Variants in PRKACB observed in about 807,000 individuals in gnomAD.
PRKACB encodes the protein protein kinase cAMP-activated catalytic subunit beta, also known as cAMP-dependent protein kinase catalytic subunit beta.
Under a neutral mutation model 51.4 loss-of-function variants are expected in PRKACB, and 16 were observed. That is an observed-to-expected ratio of 0.31 (90% CI 0.21 to 0.47). The LOEUF is 0.47. Among genes scored for constraint, PRKACB ranks in the 20% least tolerant of loss-of-function variants. The pLI is 1.00. For missense variants in PRKACB, 309 were observed against 464.5 expected (o/e 0.67, Z 3.08); for synonymous variants, 147 against 154.4 (o/e 0.95, Z 0.35).
chr1:84,173,199 A>G (rs1178821385), intron 1 of PRKACB: 3 of 557,454 alleles, frequency 5.4e-6, no homozygotes, highest in East Asian at 3.4e-5. Context: ...CATTTTTGGT[A>G]TGTATGTTCA....
intron 4 of PRKACB, among the ~76,000 whole-genome samples, chr1:84,184,478 C>T (rs1313593532): frequency 6.6e-6 from 1 of 151,712 alleles, no homozygotes; most frequent in African/African-American, 2.4e-5. Flanking sequence ...GCCCTTTTTG[C>T]CACTATCTCA....
At chr1:84,202,227 C>CAAA (rs1670331064) in intron 7 of PRKACB, among the ~76,000 whole-genome samples, 1 of 152,056 alleles carries the variant, frequency 6.6e-6, no homozygotes, top group Non-Finnish European at 1.5e-5. Flanking sequence ...AAGTCAACTT[C>CAAA]ATTATTTACT....
chr1:84,201,944 G>A (rs1362486995), intron 7 of PRKACB, among the ~76,000 whole-genome samples: 4 of 151,918 alleles, frequency 2.6e-5, no homozygotes, highest in African/African-American at 9.7e-5. Flanking sequence ...AACATAACCT[G>A]TGATTTTTAC....
intron 8 of PRKACB, among the ~76,000 whole-genome samples, chr1:84,203,312 T>A (rs897519815): frequency 1.5e-4 from 23 of 152,198 alleles, no homozygotes; most frequent in Middle Eastern, 3.4e-3. Flanking sequence ...TGATTATACT[T>A]GTCATTGGTT....
chr1:84,230,190 A>T (rs1384570556), intron 9 of PRKACB, among the ~76,000 whole-genome samples: 1 of 151,414 alleles, frequency 6.6e-6, no homozygotes, highest in East Asian at 1.9e-4. Context: ...TAAATAGGGA[A>T]TCCTTTCCCC....
At chr1:84,131,518 C>T (rs887854416) in intron 1 of PRKACB, among the ~76,000 whole-genome samples, 4 of 152,080 alleles carry the variant, frequency 2.6e-5, no homozygotes, top group Non-Finnish European at 4.4e-5. Flanking sequence ...AGAGAAGAGA[C>T]TCCATTTTCA....
chr1:84,183,736 T>C (rs1170269983), intron 3 of PRKACB, among the ~76,000 whole-genome samples: 1 of 151,846 alleles, frequency 6.6e-6, no homozygotes, highest in Non-Finnish European at 1.5e-5. Context: ...TAATTTCTTA[T>C]GAGTTTGTTT....
At chr1:84,122,735 T>C (rs1266980541) in intron 1 of PRKACB, among the ~76,000 whole-genome samples, 1 of 152,154 alleles carries the variant, frequency 6.6e-6, no homozygotes, top group African/African-American at 2.4e-5. Context: ...GAAGACTTAA[T>C]TTTTTCATGG....
intron 1 of PRKACB, among the ~76,000 whole-genome samples, chr1:84,104,536 T>C (rs376211731): frequency 5.9e-5 from 9 of 152,126 alleles, no homozygotes; most frequent in Non-Finnish European, 1.2e-4. Context: ...CTATTTTTAG[T>C]TTTTTGAGGA....
At chr1:84,204,365 C>T in intron 8 of PRKACB, 1 of 746,192 alleles carries the variant, frequency 1.3e-6, no homozygotes, top group Non-Finnish European at 2.3e-6. Flanking sequence ...AAAGGCAATA[C>T]AGAAAAGCAG....
At position 84,237,581 on chromosome 1, in the gene PRKACB, T is replaced by C. The variant is rs761933264; in HGVS notation, c.*2276T>C. On this transcript the variant is annotated 3_prime_UTR_variant, in exon 10 of 10. Coordinates refer to ENST00000370685, the MANE Select transcript of PRKACB (RefSeq NM_182948.4). ...TGAGCAAGCTTGTCATGAGCAAATA[T>C]GTCAAGGGAGTCAATTTCTGACCAA... The C allele has an allele frequency of 2.0e-5, 3 of 152,220 alleles. No homozygotes were observed. Among genetic ancestry groups the C allele is most frequent in the Non-Finnish European group, 4.4e-5 (3 of 67,982 alleles). 9.4% of individuals were successfully genotyped at this position (152,220 alleles called of 1,614,324 possible). A position where few individuals can be genotyped will look rare whatever the true frequency, so the allele number is the denominator to read the frequency against.
At chr1:84,219,601 C>T (rs1673396105) in intron 9 of PRKACB, among the ~76,000 whole-genome samples, 3 of 150,844 alleles carry the variant, frequency 2.0e-5, no homozygotes, top group South Asian at 2.1e-4. Context: ...TTTTTAAGTA[C>T]TTAATTCATT....
intron 9 of PRKACB, 69 bp downstream of exon 9, chr1:84,214,386 T>C: frequency 7.3e-7 from 1 of 1,370,018 alleles, no homozygotes; most frequent in Non-Finnish European, 9.8e-7. Context: ...GGTGGAGATA[T>C]TTTCAACTTA....
intron 1 of PRKACB, among the ~76,000 whole-genome samples, chr1:84,081,401 A>C (rs888229238): frequency 2.0e-5 from 3 of 152,152 alleles, no homozygotes; most frequent in African/African-American, 7.2e-5. Flanking sequence ...GCTGTAGTGA[A>C]TTAGGAAATT....
intron 1 of PRKACB, among the ~76,000 whole-genome samples, chr1:84,115,436 T>C (rs1453964711): frequency 1.3e-5 from 2 of 152,188 alleles, no homozygotes; most frequent in East Asian, 3.8e-4. Context: ...CCCTGTTGCA[T>C]GAGTAGCATG....
intron 1 of PRKACB, among the ~76,000 whole-genome samples, chr1:84,095,249 T>TG (rs993967459): frequency 3.3e-4 from 49 of 149,232 alleles, no homozygotes; most frequent in African/African-American, 1.2e-3. Context: ...TATTTGCTGT[T>TG]TTTTTTTTTT....
intron 1 of PRKACB, among the ~76,000 whole-genome samples, chr1:84,177,201 A>G (rs1219846439): frequency 6.6e-6 from 1 of 152,074 alleles, no homozygotes. Context: ...TATTTTTCAG[A>G]AGAAACAAGG....
chr1:84,091,609 T>A (rs1035097631), intron 1 of PRKACB, among the ~76,000 whole-genome samples: 1 of 152,040 alleles, frequency 6.6e-6, no homozygotes, highest in Non-Finnish European at 1.5e-5. Flanking sequence ...TCTCAGGTGA[T>A]CCCTCCCGCC....
chr1:84,141,760 C>T (rs1482657978), upstream of PRKACB, among the ~76,000 whole-genome samples: 7 of 152,104 alleles, frequency 4.6e-5, no homozygotes, highest in South Asian at 1.0e-3. Flanking sequence ...TACGGTCCAG[C>T]TGAAATGTTA....
Sources: gnomAD v4.1 joint callset for allele counts (sites outside exome capture counted in the v4.1 genomes callset) on GRCh38, gnomAD v4.1.1 for gene constraint, MANE v1.5 for transcripts, NCBI Gene and HGNC (gene_info 2026-07-23, HGNC 2026-07-21) for gene names.